The following MOGAT1 variants were observed in gnomAD, a reference collection of about 807,000 sequenced individuals.
MOGAT1 encodes the protein 2-acylglycerol O-acyltransferase 1.
In MOGAT1, 32 loss-of-function variants were observed where a neutral mutation model predicts 31.4. The ratio of observed to expected loss-of-function variants is 1.02; its 90% CI spans 0.77 to 1.37. The LOEUF is 1.37. Among genes scored for constraint, MOGAT1 ranks in the 40% most tolerant of loss-of-function variants. The pLI is 0.00. For missense variants in MOGAT1, 426 were observed against 402.0 expected (o/e 1.06, Z -0.51); for synonymous variants, 145 against 144.5 (o/e 1.00, Z -0.03).
At chr2:222,703,737 G>A (rs1692964049) in intron 5 of MOGAT1, among the ~76,000 whole-genome samples, 1 of 152,068 alleles carries the variant, frequency 6.6e-6, no homozygotes. Context: ...CTAATATACA[G>A]CTATGTAGCA....
intron 5 of MOGAT1, 142 bp from the exon 6 acceptor site, chr2:222,709,593 GC>G: frequency 1.5e-6 from 1 of 667,230 alleles, no homozygotes; most frequent in South Asian, 2.8e-5. Context: ...ACTGCAGGCA[GC>G]CAGTGAAAGG....
rs753902900 is a variant in MOGAT1 at position 222,694,364 on chromosome 2, C to G, written c.481C>G (p.Leu161Val). 9 of 1,604,366 alleles carry G rather than the reference C, an allele frequency of 5.6e-6. No homozygotes were observed. The African/African-American group carries it at 1.1e-4, about 19-fold the overall frequency. The change falls in exon 4 of 6, where the codon CTG (leucine) becomes GTG (valine). Residue 161 changes from leucine (L) to valine (V), a missense_variant and splice_region_variant. By Grantham distance (32) the Leu-to-Val change is conservative (BLOSUM62 1). Coordinates refer to ENST00000446656, the MANE Select transcript of MOGAT1 (RefSeq NM_058165.3). ...VFREYVMSVG[L>V]VSVSKKSVSY... is the part of the protein sequence containing the mutation. The stretch of plus-strand genomic sequence containing the variant: ...TACTTTTTGTTTTATTCACTAAGGG[C>G]TGGTTTCAGTTTCCAAGAAAAGTGT...
At chr2:222,672,853 A>G in intron 1 of MOGAT1, among the ~76,000 whole-genome samples, 1 of 151,164 alleles carries the variant, frequency 6.6e-6, no homozygotes, top group East Asian at 1.9e-4. Context: ...GAAGCTTCTA[A>G]AAAGTGCAGA....
chr2:222,685,724 C>A (rs1158619371), intron 1 of MOGAT1, among the ~76,000 whole-genome samples: 1 of 151,188 alleles, frequency 6.6e-6, no homozygotes, highest in East Asian at 1.9e-4. Flanking sequence ...CCTCAACCTC[C>A]GAAATAGCTG....
At chr2:222,694,664 G>A (rs534067499) in intron 4 of MOGAT1, 128 bp downstream of exon 4, 5 of 878,458 alleles carry the variant, frequency 5.7e-6, no homozygotes, top group Middle Eastern at 5.2e-4. Context: ...GTAAAAGCAG[G>A]TGTGGATGTT....
intron 1 of MOGAT1, among the ~76,000 whole-genome samples, chr2:222,683,509 C>T (rs927835447): frequency 2.0e-5 from 3 of 151,878 alleles, no homozygotes; most frequent in Admixed American, 1.3e-4. Context: ...GGGTGGATCA[C>T]CTGAGGTCAG....
At chr2:222,689,200 T>C in intron 2 of MOGAT1, 65 bp from the exon 3 acceptor site, 2 of 1,363,176 alleles carry the variant, frequency 1.5e-6, no homozygotes, top group East Asian at 2.5e-5. Flanking sequence ...AGTCCTTTTG[T>C]TTCTCATTGG....
intron 5 of MOGAT1, among the ~76,000 whole-genome samples, chr2:222,706,819 T>C (rs1011551267): frequency 6.6e-6 from 1 of 152,240 alleles, no homozygotes; most frequent in Non-Finnish European, 1.5e-5. Flanking sequence ...TTTCTCCATA[T>C]CTTCCTCAAA....
rs71053101 is a variant in MOGAT1, at chr2:222,701,299, G to GAGAGAGAGAGAGA, written c.853+6011_853+6012insAGAGAGAGAGAGA. 6.5e-3 allele frequency among the ~76,000 whole-genome samples: 592 copies of GAGAGAGAGAGAGA among 90,508 alleles called. 12 individuals carry two copies. Among genetic ancestry groups the GAGAGAGAGAGAGA allele is most frequent in the Non-Finnish European group, 7.8e-3 (335 of 42,884 alleles). The allele number at this position is 90,508 out of a possible 152,430, so 59.4% of individuals were successfully genotyped here. A position where few individuals can be genotyped will look rare whatever the true frequency, so the allele number is the denominator to read the frequency against. On this transcript the variant is annotated intron_variant, in intron 5 of 5. Transcript: ENST00000446656. ...AAGAGAGAGAGAGAGAGGAGGAGGA[G>GAGAGAGAGAGAGA]GAGAGAGAGAGAGAGAGAGAGAGAG... is the stretch of plus-strand genomic sequence containing the variant.
chr2:222,672,889 T>TTTTTTTTTATTA (rs139797469), intron 1 of MOGAT1, among the ~76,000 whole-genome samples: 13 of 139,220 alleles, frequency 9.3e-5, no homozygotes, highest in African/African-American at 3.0e-4. Context: ...CTGGAATTTG[T>TTTTTTTTTATTA]TTATTATTAT....
chr2:222,672,892 A>T (rs866768342), intron 1 of MOGAT1, among the ~76,000 whole-genome samples: 6 of 98,682 alleles, frequency 6.1e-5, no homozygotes, highest in African/African-American at 2.3e-4. Flanking sequence ...GAATTTGTTT[A>T]TTATTATTAT....
At chr2:222,705,510 G>A (rs937866607) in intron 5 of MOGAT1, among the ~76,000 whole-genome samples, 1 of 152,206 alleles carries the variant, frequency 6.6e-6, no homozygotes, top group African/African-American at 2.4e-5. Context: ...TGCAGAAGGT[G>A]AAGTGACTGT....
Position 222,688,509 on chromosome 2 carries a change from AT to A in MOGAT1, c.264del (p.Pro89GlnfsTer25). 1 of 1,609,424 alleles carries A rather than the reference AT, an allele frequency of 6.2e-7. No homozygotes were observed. Among genetic ancestry groups the A allele is most frequent in the Non-Finnish European group, 8.5e-7 (1 of 1,178,134 alleles). On this transcript the variant is annotated frameshift_variant, in exon 2 of 6. Transcript: ENST00000446656. LOFTEE classifies it high-confidence loss of function. Reference protein sequence around the residue: ...NWTLWKHFKDYFPIHLIKTQD... With the variant: ...NWTLWKHFKDXFPIHLIKTQD... ...ACTCTTTGGAAACACTTTAAGGACT[AT>A]TTTCCAATTCATGTGAGTACAGTTG...
chr2:222,708,054 C>G (rs1693032189), intron 5 of MOGAT1, among the ~76,000 whole-genome samples: 1 of 151,774 alleles, frequency 6.6e-6, no homozygotes, highest in Non-Finnish European at 1.5e-5. Context: ...CATTGAACTT[C>G]CTGTACATTT....
chr2:222,675,171 G>C (rs1240863049), intron 1 of MOGAT1, among the ~76,000 whole-genome samples: 1 of 152,202 alleles, frequency 6.6e-6, no homozygotes, highest in Non-Finnish European at 1.5e-5. Context: ...GGGTTAACTT[G>C]TTCCTCTATC....
At chr2:222,694,952 C>G in intron 4 of MOGAT1, 137 bp from the exon 5 acceptor site, 1 of 559,318 alleles carries the variant, frequency 1.8e-6, no homozygotes, top group Non-Finnish European at 3.1e-6. Flanking sequence ...TTTCAATGAA[C>G]GTGAAGTTAG....
At chr2:222,690,840 G>A (rs1692748236) in intron 3 of MOGAT1, among the ~76,000 whole-genome samples, 1 of 152,192 alleles carries the variant, frequency 6.6e-6, no homozygotes, top group Non-Finnish European at 1.5e-5. Context: ...TGGGGTTGGG[G>A]GGGAATTACT....
intron 1 of MOGAT1, among the ~76,000 whole-genome samples, chr2:222,684,672 G>A (rs1417145526): frequency 6.6e-6 from 1 of 151,974 alleles, no homozygotes; most frequent in African/African-American, 2.4e-5. Context: ...CGCCTCCCAG[G>A]TTCGAACAAT....
rs947617972 is a variant in MOGAT1, at chr2:222,689,247, A to T, written c.274-18A>T. ...GGAAGTTTCTTTTTTTTAAAATCTC[A>T]ATATGAATGTGCTGTAGCTTATCAA... On this transcript the variant is annotated intron_variant, in intron 2 of 5. Transcript: ENST00000446656. The T allele has an allele frequency of 6.3e-7, 1 of 1,582,658 alleles. No homozygotes were observed. The highest frequency in any genetic ancestry group is 8.6e-7 in the Non-Finnish European group (1 of 1,163,092).
Sources: gnomAD v4.1 joint callset for allele counts (sites outside exome capture counted in the v4.1 genomes callset) on GRCh38, gnomAD v4.1.1 for gene constraint, MANE v1.5 for transcripts, NCBI Gene and HGNC (gene_info 2026-07-23, HGNC 2026-07-21) for gene names.